PTP4A3: variants seen among roughly 807,000 people sequenced by gnomAD.
PTP4A3 encodes protein tyrosine phosphatase type IVA 3.
Under a neutral mutation model 15.2 loss-of-function variants are expected in PTP4A3, and 9 were observed. The ratio of observed to expected loss-of-function variants is 0.59; its 90% CI spans 0.36 to 1.03. The LOEUF (loss-of-function observed/expected upper bound fraction) is 1.03. Ranked by LOEUF, PTP4A3 falls within the 50% of genes least tolerant of loss-of-function variation. PTP4A3 has a pLI of 0.02. For synonymous variants in PTP4A3, 95 were observed against 102.0 expected (o/e 0.93, Z 0.41); for missense variants, 234 against 252.1 (o/e 0.93, Z 0.49).
chr8:141,409,705 T>A (rs1310921254), intron 1 of PTP4A3, among the ~76,000 whole-genome samples: 1 of 152,230 alleles, frequency 6.6e-6, no homozygotes, highest in East Asian at 1.9e-4. Context: ...GTCCGCTGGT[T>A]CTGATGGTTC....
In PTP4A3 at chr8:141,429,134, C is replaced by T. The variant is rs534945551; in HGVS notation, c.404+1310C>T. ...GCACGGGCGTTTCTTGCCCCTGTTG[C>T]GTGTCTGTTGGTGGGGGCCCTACCC... On this transcript the variant is annotated intron_variant, in intron 5 of 5. Coordinates refer to ENST00000521578, the MANE Select transcript of PTP4A3 (RefSeq NM_032611.3). 2.2e-4 allele frequency among the ~76,000 whole-genome samples: 34 copies of T among 152,360 alleles called. No homozygotes were observed. The South Asian group carries it at 6.4e-3, about 29-fold the overall frequency.
At chr8:141,398,444 C>T (rs1832504499) in intron 1 of PTP4A3, among the ~76,000 whole-genome samples, 1 of 152,160 alleles carries the variant, frequency 6.6e-6, no homozygotes, top group Admixed American at 6.5e-5. Context: ...GGGTTCAAGT[C>T]CCTGACTCCC....
chr8:141,407,885 A>G (rs1446373885), intron 1 of PTP4A3, among the ~76,000 whole-genome samples: 1 of 152,162 alleles, frequency 6.6e-6, no homozygotes, highest in Non-Finnish European at 1.5e-5. Context: ...AAACTTTCTT[A>G]AAACATCATG....
intron 1 of PTP4A3, among the ~76,000 whole-genome samples, chr8:141,416,782 G>T (rs1321648803): frequency 6.6e-6 from 1 of 152,100 alleles, no homozygotes; most frequent in Non-Finnish European, 1.5e-5. Flanking sequence ...GGGAGGAGGC[G>T]AGGGTTGCCG....
At chr8:141,428,180 A>T (rs903397636) in intron 5 of PTP4A3, among the ~76,000 whole-genome samples, 4 of 151,974 alleles carry the variant, frequency 2.6e-5, no homozygotes, top group Admixed American at 6.5e-5. Flanking sequence ...CTGAAACCCC[A>T]CACCACACCG....
In PTP4A3 at chr8:141,392,107, C is replaced by CGGGGCG. The variant is rs1454124070; in HGVS notation, c.-854+30_-854+35dup. On this transcript the variant is annotated intron_variant, in intron 1 of 5. Transcript: ENST00000521578. ...CAGGTCAGTCTCCTCCGCGCCCGCT[C>CGGGGCG]GGGGCGGGGGCGCGCGGCGCTTTGT... is the stretch of plus-strand genomic sequence containing the variant. 2.7e-5 allele frequency: 4 copies of CGGGGCG among 146,748 alleles called. No homozygotes were observed. The East Asian group carries it at 7.9e-4, about 29-fold the overall frequency. 9.1% of individuals were successfully genotyped at this position (146,748 alleles called of 1,614,324 possible). A position where few individuals can be genotyped will look rare whatever the true frequency, so the allele number is the denominator to read the frequency against.
In PTP4A3 at chr8:141,422,272, A is replaced by C; in HGVS notation, c.32A>C (p.Glu11Ala). The C allele has an allele frequency of 6.2e-7, 1 of 1,613,038 alleles. No individual in the cohort carries two copies. Among genetic ancestry groups the C allele is most frequent in the Non-Finnish European group, 8.5e-7 (1 of 1,179,982 alleles). ...CGGATGAACCGCCCGGCCCCGGTGGAGGTGAGCTACAAACACATGCGCTTC... is the reference window on the plus strand; with the variant it reads ...CGGATGAACCGCCCGGCCCCGGTGGCGGTGAGCTACAAACACATGCGCTTC... MARMNRPAPV[E>A]VSYKHMRFLI... The change falls in exon 2 of 6, where the codon GAG (glutamate) becomes GCG (alanine). Residue 11 changes from glutamate to alanine, a missense_variant. Physicochemically the swap from Glu to Ala is moderately radical, Grantham distance 107. Transcript: ENST00000521578.
chr8:141,402,825 G>A (rs908833102), intron 1 of PTP4A3, among the ~76,000 whole-genome samples: 1 of 151,766 alleles, frequency 6.6e-6, no homozygotes, highest in African/African-American at 2.4e-5. Context: ...TTGGGGTTTC[G>A]GGCCTGGCAA....
chr8:141,425,196 C>CCCCCCGGGGGGGGGGGGGGGGGG lies in PTP4A3; in HGVS notation c.198+56_198+57insCCCCCGGGGGGGGGGGGGGGGGG. On this transcript the variant is annotated intron_variant, in intron 3 of 5. Coordinates refer to ENST00000521578, the MANE Select transcript of PTP4A3 (RefSeq NM_032611.3). The surrounding 1 kb of genome is among the most constrained non-coding windows in gnomAD (Gnocchi z 4.2). ...CTGCTGCCACCGGGGGAGGGTGGGG[C>CCCCCCGGGGGGGGGGGGGGGGGG]GGGGGGCTCCGGGCCTGCGCAGAGG... 2.8e-6 allele frequency: 1 copy of CCCCCCGGGGGGGGGGGGGGGGGG among 361,484 alleles called. No homozygotes were observed. The highest frequency in any genetic ancestry group is 5.4e-6 in the Non-Finnish European group (1 of 185,988). The allele number at this position is 361,484 out of a possible 1,614,324, so 22.4% of individuals were successfully genotyped here.
At chr8:141,427,128 G>A in intron 4 of PTP4A3, 59 bp downstream of exon 4, 2 of 1,571,854 alleles carry the variant, frequency 1.3e-6, no homozygotes, top group Non-Finnish European at 1.7e-6. Context: ...CTCGTGGTCT[G>A]ACAGCCTCGC....
intron 3 of PTP4A3, 192 bp from the exon 4 acceptor site, chr8:141,426,747 T>C: frequency 1.2e-4 from 99 of 805,246 alleles, no homozygotes; most frequent in South Asian, 1.7e-4. Flanking sequence ...TGATGAGGAG[T>C]CTGAAGCACT....
intron 1 of PTP4A3, among the ~76,000 whole-genome samples, chr8:141,408,200 A>G (rs530174659): frequency 7.3e-5 from 11 of 150,028 alleles, no homozygotes; most frequent in Non-Finnish European, 1.3e-4. Flanking sequence ...TGTGGTTGCC[A>G]GGGGCTGGGG....
chr8:141,400,817 G>C (rs1832571752), intron 1 of PTP4A3, among the ~76,000 whole-genome samples: 1 of 152,234 alleles, frequency 6.6e-6, no homozygotes, highest in Non-Finnish European at 1.5e-5. Context: ...GAGAGGGGCG[G>C]TCCTGACCCC....
chr8:141,426,708 A>G (rs1833591057), intron 3 of PTP4A3: 1 of 970,748 alleles, frequency 1.0e-6, no homozygotes, highest in Non-Finnish European at 1.2e-6. Context: ...GGCTTCCTGG[A>G]GGAGGGGATA....
chr8:141,430,725 G>A (rs1794162465), intron 5 of PTP4A3, among the ~76,000 whole-genome samples: 1 of 152,142 alleles, frequency 6.6e-6, no homozygotes, highest in African/African-American at 2.4e-5. Context: ...TGGAAGGCAA[G>A]CAGGGGTGAG....
Position 141,431,074 on chromosome 8 carries a change from T to C in PTP4A3, c.*30T>C, listed in dbSNP as rs377583581. 2 of 1,606,368 alleles carry C rather than the reference T, an allele frequency of 1.2e-6. No homozygotes were observed. Among genetic ancestry groups the C allele is most frequent in the Non-Finnish European group, 8.5e-7 (1 of 1,174,026 alleles). On this transcript the variant is annotated 3_prime_UTR_variant, in exon 6 of 6. Coordinates refer to ENST00000521578, the MANE Select transcript of PTP4A3 (RefSeq NM_032611.3). Reference sequence around the variant, plus strand: ...GGACCTTGGCTGGGCCTGGTCGTCATGTAGGTCAGGACCTTGGCTGGACCT... The same window carrying C: ...GGACCTTGGCTGGGCCTGGTCGTCACGTAGGTCAGGACCTTGGCTGGACCT...
chr8:141,408,075 C>G (rs1175281432), intron 1 of PTP4A3, among the ~76,000 whole-genome samples: 1 of 152,164 alleles, frequency 6.6e-6, no homozygotes, highest in African/African-American at 2.4e-5. Context: ...CGTGGCTGAG[C>G]CTTTACGACG....
At chr8:141,416,847 C>A (rs1328426609) in intron 1 of PTP4A3, among the ~76,000 whole-genome samples, 1 of 151,998 alleles carries the variant, frequency 6.6e-6, no homozygotes, top group African/African-American at 2.4e-5. Flanking sequence ...GTGGGGAGAG[C>A]CTGGCAGGGG....
intron 2 of PTP4A3, among the ~76,000 whole-genome samples, chr8:141,423,947 C>T (rs912253708): frequency 3.3e-5 from 5 of 151,658 alleles, no homozygotes; most frequent in African/African-American, 1.2e-4. Flanking sequence ...AGGATTAGGG[C>T]TCAGAGGTGT....
Sources: allele counts gnomAD v4.1 joint callset (sites outside exome capture counted in the v4.1 genomes callset), GRCh38; gene constraint gnomAD v4.1.1; non-coding constraint Gnocchi (gnomAD v3.1); transcripts MANE v1.5; gene names NCBI Gene and HGNC (gene_info 2026-07-23, HGNC 2026-07-21).